The following MCTP1 variants were observed in gnomAD, a reference collection of about 807,000 sequenced individuals.
MCTP1 encodes multiple C2 and transmembrane domain-containing protein 1.
Under a neutral mutation model 120.6 loss-of-function variants are expected in MCTP1, and 69 were observed. The ratio of observed to expected loss-of-function variants is 0.57; its 90% CI spans 0.47 to 0.70. MCTP1 has a LOEUF of 0.70. Ranked by LOEUF, MCTP1 falls within the 30% of genes least tolerant of loss-of-function variation. The probability of loss-of-function intolerance (pLI) is 0.00; values close to 1 mark genes in which losing one functional copy is unlikely to be tolerated. For synonymous variants in MCTP1, 529 were observed against 493.1 expected, an observed-to-expected ratio of 1.07 and a Z score of -0.96; for missense variants, 1,203 against 1,248.8, an observed-to-expected ratio of 0.96 and a Z score of 0.55.
intron 7 of MCTP1, among the ~76,000 whole-genome samples, chr5:94,919,976 C>T (rs990686523): frequency 3.9e-5 from 6 of 152,152 alleles, no homozygotes; most frequent in East Asian, 1.9e-4. Flanking sequence ...TAATCCTTAG[C>T]GAAATTCTGC....
At chr5:94,821,708 C>T (rs1351702482) in intron 17 of MCTP1, among the ~76,000 whole-genome samples, 1 of 152,158 alleles carries the variant, frequency 6.6e-6, no homozygotes, top group Non-Finnish European at 1.5e-5. Flanking sequence ...TCCAGGACCA[C>T]CCTCTGATAC....
intron 19 of MCTP1, among the ~76,000 whole-genome samples, chr5:94,774,447 T>C (rs888951948): frequency 4.6e-5 from 7 of 152,096 alleles, no homozygotes; most frequent in African/African-American, 1.7e-4. Context: ...GAGGAAGCCA[T>C]GGAAAATGGC....
At chr5:94,913,475 C>A (rs1355155635) in intron 8 of MCTP1, among the ~76,000 whole-genome samples, 2 of 152,066 alleles carry the variant, frequency 1.3e-5, no homozygotes, top group East Asian at 3.9e-4. Context: ...TTCTTTCTTG[C>A]CACATTTGGA....
chr5:94,874,487 T>C (rs1230187453), intron 12 of MCTP1, among the ~76,000 whole-genome samples: 2 of 152,154 alleles, frequency 1.3e-5, no homozygotes, highest in Admixed American at 1.3e-4. Context: ...TGTGTGTTAG[T>C]TCAGTGGCCT....
chr5:94,719,611 A>C (rs1032658097), intron 19 of MCTP1, among the ~76,000 whole-genome samples: 4 of 152,196 alleles, frequency 2.6e-5, no homozygotes, highest in African/African-American at 9.7e-5. Flanking sequence ...AGTGGGAGCT[A>C]AACAATGAGA....
chr5:95,217,896 A>C (rs1269936564), intron 1 of MCTP1, among the ~76,000 whole-genome samples: 1 of 152,212 alleles, frequency 6.6e-6, no homozygotes, highest in Non-Finnish European at 1.5e-5. Context: ...CACAAAAGAA[A>C]GAATAATCAT....
Position 94,707,462 on chromosome 5 carries a change from A to G in MCTP1, c.*34T>C. 8 of 1,533,266 alleles carry G rather than the reference A, an allele frequency of 5.2e-6. No homozygotes were observed. Among genetic ancestry groups the G allele is most frequent in the Non-Finnish European group, 7.2e-6 (8 of 1,114,420 alleles). 95.0% of individuals were successfully genotyped at this position (1,533,266 alleles called of 1,614,324 possible). On this transcript the variant is annotated 3_prime_UTR_variant, in exon 23 of 23. Transcript: ENST00000515393. ...GAGGGCTTTTTCTTTTATCTTCCCA[A>G]ACAGATGCTGGTCTCCTCAGTGCTG...
intron 1 of MCTP1, among the ~76,000 whole-genome samples, chr5:95,252,549 C>A (rs926330755): frequency 2.0e-5 from 3 of 152,044 alleles, no homozygotes; most frequent in Non-Finnish European, 4.4e-5. Context: ...GAAATCTTTT[C>A]CCTTATTTTT....
At chr5:94,999,568 T>G (rs1281828563) in intron 2 of MCTP1, among the ~76,000 whole-genome samples, 1 of 152,182 alleles carries the variant, frequency 6.6e-6, no homozygotes, top group Non-Finnish European at 1.5e-5. Flanking sequence ...GTCCTTTTAT[T>G]TTTCATGGCA....
At chr5:94,716,863 G>C (rs570903250) in intron 19 of MCTP1, among the ~76,000 whole-genome samples, 22 of 151,910 alleles carry the variant, frequency 1.4e-4, no homozygotes, top group Non-Finnish European at 2.6e-4. Context: ...AAGTTTGTTG[G>C]ACAAATAGGT....
rs536633088 is a variant in MCTP1, at chr5:94,849,748, AT to A, written c.2436+18584del. 1.8e-3 allele frequency among the ~76,000 whole-genome samples: 268 copies of A among 152,300 alleles called. 2 individuals carry two copies. The highest frequency in any genetic ancestry group is 5.2e-3 in the African/African-American group (217 of 41,580). ...AACATGTACTATTTTCAACCCATGA[AT>A]TAGAAATAAAGGTGCTTTTTGGTAT... On this transcript the variant is annotated intron_variant, in intron 17 of 22. Coordinates refer to ENST00000515393, the MANE Select transcript of MCTP1 (RefSeq NM_024717.7).
rs1266820595 is a variant in MCTP1 at position 94,912,986 on chromosome 5, A to C, written c.1351-10T>G. 1 of 1,583,624 alleles carries C rather than the reference A, an allele frequency of 6.3e-7. No homozygotes were observed. The highest frequency in any genetic ancestry group is 8.6e-7 in the Non-Finnish European group (1 of 1,167,712). On this transcript the variant is annotated splice_polypyrimidine_tract_variant and intron_variant, in intron 8 of 22. Coordinates refer to ENST00000515393, the MANE Select transcript of MCTP1 (RefSeq NM_024717.7). ...AACTTTGGGTCTGAAACTTTTGGCAAATGAAAATTGAGTTAGGTTACTGTG... is the reference window on the plus strand; with the variant it reads ...AACTTTGGGTCTGAAACTTTTGGCACATGAAAATTGAGTTAGGTTACTGTG...
intron 1 of MCTP1, among the ~76,000 whole-genome samples, chr5:95,049,270 C>G (rs779080799): frequency 1.3e-5 from 2 of 152,082 alleles, no homozygotes; most frequent in Non-Finnish European, 2.9e-5. Context: ...TAACATTTGC[C>G]TCCCAAGGAA....
chr5:94,725,737 A>G (rs1761990295), intron 19 of MCTP1, among the ~76,000 whole-genome samples: 1 of 152,132 alleles, frequency 6.6e-6, no homozygotes, highest in South Asian at 2.1e-4. Flanking sequence ...TTTCTTAGCT[A>G]GGTGATTTTG....
intron 7 of MCTP1, among the ~76,000 whole-genome samples, chr5:94,919,208 A>G (rs562702337): frequency 6.6e-6 from 1 of 152,348 alleles, no homozygotes; most frequent in East Asian, 1.9e-4. Context: ...ATAATAAATT[A>G]TAGTTCAATG....
At chr5:94,776,891 C>A (rs1313014120) in intron 19 of MCTP1, among the ~76,000 whole-genome samples, 1 of 152,166 alleles carries the variant, frequency 6.6e-6, no homozygotes, top group African/African-American at 2.4e-5. Context: ...TGGAACCTTG[C>A]AGGATCCTTT....
intron 1 of MCTP1, among the ~76,000 whole-genome samples, chr5:95,154,593 C>T (rs915706156): frequency 1.3e-5 from 2 of 151,984 alleles, no homozygotes; most frequent in Non-Finnish European, 2.9e-5. Context: ...ATACAGGATC[C>T]TAACTACAAA....
intron 3 of MCTP1, among the ~76,000 whole-genome samples, chr5:94,951,881 G>A (rs1047234121): frequency 1.3e-5 from 2 of 151,972 alleles, no homozygotes; most frequent in Non-Finnish European, 2.9e-5. Flanking sequence ...GTTCAAAAAC[G>A]CTATTTAAGG....
At chr5:94,738,403 G>A (rs565678761) in intron 19 of MCTP1, among the ~76,000 whole-genome samples, 4 of 152,158 alleles carry the variant, frequency 2.6e-5, no homozygotes, top group Non-Finnish European at 2.9e-5. Flanking sequence ...CCTTGTCCCA[G>A]TGCAAAGTGC....
Sources: gnomAD v4.1 joint callset for allele counts (sites outside exome capture counted in the v4.1 genomes callset) on GRCh38, gnomAD v4.1.1 for gene constraint, MANE v1.5 for transcripts, NCBI Gene and HGNC (gene_info 2026-07-23, HGNC 2026-07-21) for gene names.